The following SLC41A3 variants were observed in gnomAD, a reference collection of about 807,000 sequenced individuals.
The protein encoded by SLC41A3 is solute carrier family 41 member 3.
Under a neutral mutation model 45.4 loss-of-function variants are expected in SLC41A3, and 44 were observed. That is an observed-to-expected ratio of 0.97 (90% CI 0.76 to 1.25). The LOEUF is 1.25. Among genes scored for constraint, SLC41A3 ranks in the 50% most tolerant of loss-of-function variants. SLC41A3 has a pLI of 0.00. For missense variants in SLC41A3, 550 were observed against 600.6 expected (o/e 0.92, Z 0.88); for synonymous variants, 256 against 252.4 (o/e 1.01, Z -0.13).
chr3:126,059,264 A>AAAGAAAGAAAGAAAGAAAGAAAAGAAAG (rs71150422), intron 2 of SLC41A3, among the ~76,000 whole-genome samples: 8 of 2,578 alleles, frequency 3.1e-3, no homozygotes, highest in Non-Finnish European at 4.1e-3. Flanking sequence ...AGAAAGAAAG[A>AAAGAAAGAAAGAAAGAAAGAAAAGAAAG]AGAAAGAAAG....
intron 1 of SLC41A3, among the ~76,000 whole-genome samples, chr3:126,100,235 C>T (rs1945682900): frequency 6.6e-6 from 1 of 152,158 alleles, no homozygotes; most frequent in Non-Finnish European, 1.5e-5. Context: ...CCGGGCCCTC[C>T]TCTCTTTTCC....
intron 3 of SLC41A3, among the ~76,000 whole-genome samples, chr3:126,047,356 A>G (rs1246929079): frequency 6.6e-6 from 1 of 152,092 alleles, no homozygotes; most frequent in Non-Finnish European, 1.5e-5. Context: ...CTGTCTCAAA[A>G]CAAACAAACA....
chr3:126,073,217 G>C (rs1372289445), intron 1 of SLC41A3: 1 of 152,314 alleles, frequency 6.6e-6, no homozygotes, highest in Non-Finnish European at 1.5e-5. Flanking sequence ...GAGGCAAGCA[G>C]ATTGCTTGAG....
rs1176971684 is a variant in SLC41A3, at chr3:126,026,524, C to T, written c.454-45G>A. The T allele has an allele frequency of 6.3e-7, 1 of 1,582,416 alleles. No homozygotes were observed. Among genetic ancestry groups the T allele is most frequent in the Non-Finnish European group, 8.6e-7 (1 of 1,163,062 alleles). ...AGCATGAAGGGGGGCCCCGGGGCCA[C>T]AGCCACACTCCCTGCCCTTCACACC... On this transcript the variant is annotated intron_variant, in intron 4 of 10. Coordinates refer to ENST00000360370, the MANE Select transcript of SLC41A3 (RefSeq NM_017836.4). This position sits in a 1 kb window ranked among gnomAD's most constrained non-coding sequence, Gnocchi z 4.2.
chr3:126,092,664 G>T, intron 1 of SLC41A3: 1 of 152,840 alleles, frequency 6.5e-6, no homozygotes, highest in South Asian at 1.9e-4. Flanking sequence ...AGTGACGGTT[G>T]GAGAACGTGG....
At chr3:126,073,472 A>C (rs1248461122) in intron 1 of SLC41A3, among the ~76,000 whole-genome samples, 1 of 151,918 alleles carries the variant, frequency 6.6e-6, no homozygotes, top group South Asian at 2.1e-4. Context: ...AATCCAAAAA[A>C]CTACTTATTA....
At chr3:126,071,816 G>A (rs1944633913) in intron 1 of SLC41A3, among the ~76,000 whole-genome samples, 1 of 151,180 alleles carries the variant, frequency 6.6e-6, no homozygotes, top group Non-Finnish European at 1.5e-5. Flanking sequence ...TGGCACCCAG[G>A]CTGGAGTGCA....
chr3:126,007,338 G>T, intron 10 of SLC41A3, 113 bp from the exon 11 acceptor site: 1 of 1,140,192 alleles, frequency 8.8e-7, no homozygotes, highest in Non-Finnish European at 1.2e-6. Context: ...GTCAACCCCA[G>T]CCAGCCTCCT....
At chr3:126,041,549 G>A (rs965384018) in intron 3 of SLC41A3, among the ~76,000 whole-genome samples, 1 of 152,192 alleles carries the variant, frequency 6.6e-6, no homozygotes. Flanking sequence ...GATACTGAAA[G>A]TATAACTTCA....
chr3:126,040,777 T>C (rs1371475325), intron 3 of SLC41A3, among the ~76,000 whole-genome samples: 2 of 152,160 alleles, frequency 1.3e-5, no homozygotes, highest in Non-Finnish European at 2.9e-5. Flanking sequence ...ATCTTTAGAT[T>C]GGAGCCTCCT....
At chr3:126,095,074 C>A (rs938830856) in intron 1 of SLC41A3, 6 of 498,898 alleles carry the variant, frequency 1.2e-5, no homozygotes, top group African/African-American at 1.2e-4. Context: ...TCTACAGAAA[C>A]CAGCTGCAAA....
At chr3:126,038,173 G>A (rs1457992919) in intron 3 of SLC41A3, among the ~76,000 whole-genome samples, 1 of 152,246 alleles carries the variant, frequency 6.6e-6, no homozygotes, top group African/African-American at 2.4e-5. Flanking sequence ...CCTGCCACTG[G>A]GGCAGAGCCC....
intron 1 of SLC41A3, among the ~76,000 whole-genome samples, chr3:126,092,057 G>A (rs1013751756): frequency 5.3e-5 from 8 of 152,204 alleles, no homozygotes; most frequent in Non-Finnish European, 1.0e-4. Flanking sequence ...AGAGATCTGA[G>A]TTACCCTGAG....
At chr3:126,019,356 C>T (rs929053694) in intron 6 of SLC41A3, among the ~76,000 whole-genome samples, 1 of 152,218 alleles carries the variant, frequency 6.6e-6, no homozygotes, top group Non-Finnish European at 1.5e-5. Flanking sequence ...CTTTTCAATA[C>T]TGCCACATTG....
At chr3:126,053,460 A>C (rs1184096531) in intron 2 of SLC41A3, among the ~76,000 whole-genome samples, 1 of 152,188 alleles carries the variant, frequency 6.6e-6, no homozygotes, top group Non-Finnish European at 1.5e-5. Context: ...AACTAATACA[A>C]ATGTAAAGTG....
chr3:126,036,474 G>A lies in SLC41A3; in HGVS notation c.382-2796C>T, dbSNP rs9813908. Among the ~76,000 whole-genome samples, 114 of 152,220 alleles carry A rather than the reference G, an allele frequency of 7.5e-4. No homozygotes were observed. In the East Asian group the frequency reaches 0.018, roughly 24 times the overall value. Reference sequence around the variant, plus strand: ...CCACCCAAACCCACAGCTCTGGTGGGTCAGCCTTCACCTACAGCTACACGC... The same window carrying A: ...CCACCCAAACCCACAGCTCTGGTGGATCAGCCTTCACCTACAGCTACACGC... On this transcript the variant is annotated intron_variant, in intron 3 of 10. Transcript: ENST00000360370.
At chr3:126,059,315 G>GAAAGAAAGAAAGAAAGAA (rs1943933318) in intron 2 of SLC41A3, among the ~76,000 whole-genome samples, 1 of 103,648 alleles carries the variant, frequency 9.6e-6, no homozygotes, top group African/African-American at 4.0e-5. Context: ...AGAAAGGAAG[G>GAAAGAAAGAAAGAAAGAA]ATGATCTGTG....
At chr3:126,039,795 C>A (rs1412178149) in intron 3 of SLC41A3, among the ~76,000 whole-genome samples, 4 of 152,182 alleles carry the variant, frequency 2.6e-5, no homozygotes, top group African/African-American at 9.7e-5. Flanking sequence ...TCTTTAAAGT[C>A]CCACACTCTA....
At chr3:126,078,189 T>A (rs1944970409) in intron 1 of SLC41A3, among the ~76,000 whole-genome samples, 2 of 152,290 alleles carry the variant, frequency 1.3e-5, no homozygotes, top group African/African-American at 2.4e-5. Flanking sequence ...CACTGCTGCA[T>A]CCCTTAGGTC....
Sources: gnomAD v4.1 joint callset for allele counts (sites outside exome capture counted in the v4.1 genomes callset) on GRCh38, gnomAD v4.1.1 for gene constraint, Gnocchi (gnomAD v3.1) non-coding constraint, MANE v1.5 for transcripts, NCBI Gene and HGNC (gene_info 2026-07-23, HGNC 2026-07-21) for gene names.